EFHD1: variants seen among roughly 807,000 people sequenced by gnomAD.
EFHD1 encodes the protein EF-hand domain-containing protein D1.
A neutral mutation model predicts 17.2 loss-of-function variants in EFHD1; 10 were observed. The observed-to-expected ratio is 0.58, with a 90% CI of 0.36 to 0.99. The LOEUF (loss-of-function observed/expected upper bound fraction) is 0.99. EFHD1 is among the 50% of genes least tolerant of loss of function. The pLI is 0.01. For synonymous variants in EFHD1, 153 were observed against 142.0 expected (o/e 1.08, Z -0.55); for missense variants, 310 against 327.5 (o/e 0.95, Z 0.41).
intron 1 of EFHD1, among the ~76,000 whole-genome samples, chr2:232,647,637 T>A (rs1341549582): frequency 1.6e-5 from 2 of 126,052 alleles, no homozygotes; most frequent in Non-Finnish European, 3.4e-5. Context: ...GACTCTCCTG[T>A]TAGAACTTTT....
chr2:232,681,830 A>C lies in EFHD1; in HGVS notation c.*111A>C. 1.4e-6 allele frequency: 2 copies of C among 1,442,898 alleles called. No homozygotes were observed. The highest frequency in any genetic ancestry group is 1.8e-6 in the Non-Finnish European group (2 of 1,084,990). 89.4% of individuals were successfully genotyped at this position (1,442,898 alleles called of 1,614,324 possible). A position where few individuals can be genotyped will look rare whatever the true frequency, so the allele number is the denominator to read the frequency against. On this transcript the variant is annotated 3_prime_UTR_variant, in exon 4 of 4. Coordinates refer to ENST00000264059, the MANE Select transcript of EFHD1 (RefSeq NM_025202.4). ...GTCCCCTCCCTGAGCCAGCATCTCCATCCACCACCCCGTGCCAGCTCCCGT... is the reference window on the plus strand; with the variant it reads ...GTCCCCTCCCTGAGCCAGCATCTCCCTCCACCACCCCGTGCCAGCTCCCGT...
Position 232,681,706 on chromosome 2 carries a change from A to G in EFHD1, c.707A>G (p.Asn236Ser), listed in dbSNP as rs1223639285. 6.2e-7 allele frequency: 1 copy of G among 1,614,036 alleles called. No individual in the cohort carries two copies. Among genetic ancestry groups the G allele is most frequent in the African/African-American group, 1.3e-5 (1 of 74,940 alleles). ...GCAGCCTTCCAGAAACTCAAGGCCA[A>G]CTTCAATACATAGTCCTGCTGACCT... ...RQAAFQKLKA[N>S]FNT Residue 236 changes from asparagine to serine, a missense_variant, in exon 4 of 4, where the codon AAC becomes AGC. Coordinates refer to ENST00000264059, the MANE Select transcript of EFHD1 (RefSeq NM_025202.4).
At chr2:232,616,979 GCGAC>G (rs1693937454) in intron 1 of EFHD1, among the ~76,000 whole-genome samples, 1 of 152,172 alleles carries the variant, frequency 6.6e-6, no homozygotes, top group Non-Finnish European at 1.5e-5. Context: ...TCATCTGGAG[GCGAC>G]CCTAGTGAGT....
rs757134498 is a variant in EFHD1, at chr2:232,681,726, T to C, written c.*7T>C. ...GGCCAACTTCAATACATAGTCCTGC[T>C]GACCTTGCCCTCTGCCCACAGCTGT... On this transcript the variant is annotated 3_prime_UTR_variant, in exon 4 of 4. Transcript: ENST00000264059. 6.2e-7 allele frequency: 1 copy of C among 1,613,388 alleles called. No individual in the cohort carries two copies. The highest frequency in any genetic ancestry group is 8.5e-7 in the Non-Finnish European group (1 of 1,179,650).
chr2:232,633,414 G>T, upstream of EFHD1: 1 of 1,155,564 alleles, frequency 8.7e-7, no homozygotes, highest in Non-Finnish European at 1.1e-6. Flanking sequence ...CTCCCGCCCG[G>T]AGCCGCGGGG....
Position 232,661,006 on chromosome 2 carries a change from G to A in EFHD1, c.303-1796G>A, listed in dbSNP as rs555914379. ...AACAAAACAAAACAAAAATTAGCTG[G>A]GTGTGGTGGCGCACACCTGTAATTC... is the stretch of plus-strand genomic sequence containing the variant. On this transcript the variant is annotated intron_variant, in intron 1 of 3. Transcript: ENST00000264059. 1.8e-4 allele frequency among the ~76,000 whole-genome samples: 28 copies of A among 151,830 alleles called. No individual in the cohort carries two copies. The South Asian group carries it at 5.6e-3, about 31-fold the overall frequency.
intron 1 of EFHD1, among the ~76,000 whole-genome samples, chr2:232,637,222 C>T (rs535311170): frequency 1.6e-4 from 25 of 152,184 alleles, no homozygotes; most frequent in Non-Finnish European, 3.1e-4. Context: ...TGTTTCCTGG[C>T]TTCTGGTGGT....
At chr2:232,660,762 G>A (rs1694850959) in intron 1 of EFHD1, among the ~76,000 whole-genome samples, 2 of 152,094 alleles carry the variant, frequency 1.3e-5, no homozygotes, top group African/African-American at 4.8e-5. Flanking sequence ...CGGATCATGT[G>A]AGGTCAGGTG....
rs1171824205 is a variant in EFHD1, at chr2:232,674,124, G to C, written c.585+1681G>C. 1.3e-5 allele frequency among the ~76,000 whole-genome samples: 2 copies of C among 152,130 alleles called. 1 individual carries two copies. Among genetic ancestry groups the C allele is most frequent in the Admixed American group, 1.3e-4 (2 of 15,278 alleles). On this transcript the variant is annotated intron_variant, in intron 3 of 3. Coordinates refer to ENST00000264059, the MANE Select transcript of EFHD1 (RefSeq NM_025202.4). ...GGGTTTCACGATATTGGCCATGCTGGTGTCAAACTCCTGACCTCGTGATCT... is the reference window on the plus strand; with the variant it reads ...GGGTTTCACGATATTGGCCATGCTGCTGTCAAACTCCTGACCTCGTGATCT...
chr2:232,613,109 C>T (rs2106182026), intron 1 of EFHD1, among the ~76,000 whole-genome samples: 1 of 152,064 alleles, frequency 6.6e-6, no homozygotes, highest in South Asian at 2.1e-4. Flanking sequence ...ACCCCCTGCC[C>T]CCCACCAAAA....
intron 1 of EFHD1, among the ~76,000 whole-genome samples, chr2:232,617,569 G>T (rs1228539995): frequency 2.0e-5 from 3 of 151,608 alleles, no homozygotes; most frequent in African/African-American, 7.3e-5. Context: ...CAGGAGAATG[G>T]CGTGAACCCA....
intron 1 of EFHD1, chr2:232,611,636 C>G (rs189705471): frequency 2.6e-5 from 4 of 152,188 alleles, no homozygotes; most frequent in Non-Finnish European, 4.4e-5. Flanking sequence ...ATTCCAAGAA[C>G]GAAGGAAATC....
At chr2:232,662,762 T>C (rs766280269) in intron 1 of EFHD1, 40 bp from the exon 2 acceptor site, 3 of 1,551,368 alleles carry the variant, frequency 1.9e-6, no homozygotes, top group Non-Finnish European at 2.6e-6. Flanking sequence ...GACTAACGAG[T>C]GTCCTTTCAT....
chr2:232,606,519 C>T, intron 1 of EFHD1: 3 of 394,760 alleles, frequency 7.6e-6, no homozygotes, highest in South Asian at 4.8e-5. Context: ...CCTCCGCTCC[C>T]AGTCGTGGGT....
At chr2:232,628,960 C>T (rs966573351), upstream of EFHD1, among the ~76,000 whole-genome samples, 1 of 152,058 alleles carries the variant, frequency 6.6e-6, no homozygotes, top group African/African-American at 2.4e-5. Flanking sequence ...AGAGGAAGCC[C>T]AGGCCACGTG....
chr2:232,665,427 CT>C (rs148891399), intron 2 of EFHD1, among the ~76,000 whole-genome samples: 4,040 of 147,114 alleles, frequency 0.027, 84 homozygotes, highest in South Asian at 0.074. Flanking sequence ...ATTATATTAA[CT>C]TTTTTTTTTT....
upstream of EFHD1, among the ~76,000 whole-genome samples, chr2:232,631,222 C>T (rs773816295): frequency 2.2e-4 from 33 of 151,630 alleles, no homozygotes; most frequent in Admixed American, 9.2e-4. Context: ...AGCAAAACTC[C>T]GTCTTAAAAA....
At chr2:232,656,753 T>A (rs1391797581) in intron 1 of EFHD1, among the ~76,000 whole-genome samples, 2 of 152,126 alleles carry the variant, frequency 1.3e-5, no homozygotes, top group South Asian at 2.1e-4. Context: ...TTGCATTTTT[T>A]AAAAATTGTG....
chr2:232,618,180 C>T (rs1029840181), intron 1 of EFHD1, among the ~76,000 whole-genome samples: 3 of 151,356 alleles, frequency 2.0e-5, no homozygotes, highest in Non-Finnish European at 2.9e-5. Context: ...CCACCGTGCC[C>T]GGATAATTTT....
Sources: allele counts gnomAD v4.1 joint callset (sites outside exome capture counted in the v4.1 genomes callset), GRCh38; gene constraint gnomAD v4.1.1; transcripts MANE v1.5; gene names NCBI Gene and HGNC (gene_info 2026-07-23, HGNC 2026-07-21).